Variants in IGBP1C observed in about 807,000 individuals in gnomAD.
The protein encoded by IGBP1C is immunoglobulin-binding protein 1 family member C.
the IGBP1C span, chr17:58,675,143 C>T: frequency 4.7e-5 from 7 of 149,356 alleles, no homozygotes; most frequent in Non-Finnish European, 8.9e-5. Flanking sequence ...GAAACCATCT[C>T]CAAAAAAAAA....
At chr17:58,691,312 G>A in the IGBP1C span, among the ~76,000 whole-genome samples, 1 of 152,026 alleles carries the variant, frequency 6.6e-6, no homozygotes, top group South Asian at 2.1e-4. Context: ...GTATGTAGAG[G>A]GCTCTGATTT....
the IGBP1C span, among the ~76,000 whole-genome samples, chr17:58,674,148 C>T: frequency 6.6e-6 from 1 of 151,868 alleles, no homozygotes; most frequent in African/African-American, 2.4e-5. Context: ...TGGTGGCATG[C>T]GCCTATAATC....
chr17:58,675,032 G>C, the IGBP1C span, among the ~76,000 whole-genome samples: 1 of 151,654 alleles, frequency 6.6e-6, no homozygotes, highest in Non-Finnish European at 1.5e-5. Flanking sequence ...TATAACCCCA[G>C]CTTCTTGGGA....
At chr17:58,683,539 G>T in the IGBP1C span, among the ~76,000 whole-genome samples, 1 of 151,184 alleles carries the variant, frequency 6.6e-6, no homozygotes, top group Non-Finnish European at 1.5e-5. Context: ...GAGGCAGGCG[G>T]ATAACCTGAG....
the IGBP1C span, among the ~76,000 whole-genome samples, chr17:58,667,623 G>C: frequency 1.3e-5 from 2 of 152,150 alleles, no homozygotes; most frequent in Non-Finnish European, 2.9e-5. Flanking sequence ...AGTGGCTCAC[G>C]CCTGTAATCC....
the IGBP1C span, among the ~76,000 whole-genome samples, chr17:58,680,043 G>C: frequency 6.6e-6 from 1 of 151,966 alleles, no homozygotes; most frequent in African/African-American, 2.4e-5. Flanking sequence ...CTGCCTTTAA[G>C]GGTTTGGCAC....
At chr17:58,683,265 C>A in the IGBP1C span, among the ~76,000 whole-genome samples, 1 of 151,204 alleles carries the variant, frequency 6.6e-6, no homozygotes, top group Non-Finnish European at 1.5e-5. Context: ...CCCAGCTACT[C>A]CGGAGGCTGA....
chr17:58,661,302 G>A, the IGBP1C span: 17 of 818,262 alleles, frequency 2.1e-5, 1 homozygote, highest in South Asian at 2.0e-4. Context: ...TGATCTAGAC[G>A]CTTACGGGGG....
chr17:58,668,096 T>C, the IGBP1C span, among the ~76,000 whole-genome samples: 1 of 152,094 alleles, frequency 6.6e-6, no homozygotes, highest in Non-Finnish European at 1.5e-5. Context: ...AGGTGATATC[T>C]GATCACCCCA....
the IGBP1C span, among the ~76,000 whole-genome samples, chr17:58,675,016 C>A: frequency 1.3e-5 from 2 of 151,832 alleles, no homozygotes; most frequent in South Asian, 2.1e-4. Context: ...CATGGTAGCA[C>A]ATGCCTATAA....
At chr17:58,683,377 C>A in the IGBP1C span, among the ~76,000 whole-genome samples, 35 of 149,200 alleles carry the variant, frequency 2.3e-4, no homozygotes, top group South Asian at 1.1e-3. Context: ...CATCCCCCCC[C>A]CCAAAAAAAA....
chr17:58,680,762 AC>A, the IGBP1C span, among the ~76,000 whole-genome samples: 1 of 152,102 alleles, frequency 6.6e-6, no homozygotes, highest in Admixed American at 6.6e-5. Context: ...AACCAAAAAA[AC>A]AAATTAGAAT....
the IGBP1C span, among the ~76,000 whole-genome samples, chr17:58,672,634 G>A: frequency 3.9e-5 from 6 of 152,144 alleles, no homozygotes; most frequent in South Asian, 2.1e-4. Flanking sequence ...TAGTAGAGAC[G>A]GGGTTTCACC....
chr17:58,662,191 C>T, the IGBP1C span, among the ~76,000 whole-genome samples: 1 of 150,578 alleles, frequency 6.6e-6, no homozygotes, highest in African/African-American at 2.4e-5. Context: ...GTGGCTCACT[C>T]CTGTAATCCC....
chr17:58,685,140 T>C, the IGBP1C span, among the ~76,000 whole-genome samples: 2 of 151,956 alleles, frequency 1.3e-5, no homozygotes, highest in Non-Finnish European at 2.9e-5. Context: ...AATACAAAAA[T>C]TGAATACATT....
chr17:58,683,337 C>G, the IGBP1C span, among the ~76,000 whole-genome samples: 10 of 150,826 alleles, frequency 6.6e-5, no homozygotes, highest in African/African-American at 2.4e-4. Context: ...CACACCACTG[C>G]ACTCCAGCCT....
the IGBP1C span, among the ~76,000 whole-genome samples, chr17:58,691,530 G>C: frequency 6.6e-6 from 1 of 152,114 alleles, no homozygotes; most frequent in South Asian, 2.1e-4. Flanking sequence ...AGCCGGGCAT[G>C]GTGGCGTGCG....
chr17:58,691,608 A>G, the IGBP1C span, among the ~76,000 whole-genome samples: 1 of 144,838 alleles, frequency 6.9e-6, no homozygotes, highest in Non-Finnish European at 1.5e-5. Flanking sequence ...CGAAGGTTGC[A>G]GTGAGCCGAC....
the IGBP1C span, among the ~76,000 whole-genome samples, chr17:58,684,271 G>A: frequency 6.6e-6 from 1 of 151,726 alleles, no homozygotes; most frequent in Non-Finnish European, 1.5e-5. Context: ...AGACCAGCCT[G>A]ACCAATATGA....
Sources: allele counts gnomAD v4.1 joint callset (sites outside exome capture counted in the v4.1 genomes callset), GRCh38; gene constraint gnomAD v4.1.1; transcripts MANE v1.5; gene names NCBI Gene and HGNC (gene_info 2026-07-23, HGNC 2026-07-21).